NLGN1: variants seen among roughly 807,000 people sequenced by gnomAD.
The protein encoded by NLGN1 is neuroligin 1, also known as neuroligin-1.
In NLGN1, 12 loss-of-function variants were observed where a neutral mutation model predicts 65.5. That is an observed-to-expected ratio of 0.18 (90% CI 0.12 to 0.30). The LOEUF is 0.30. Among genes scored for constraint, NLGN1 ranks in the 10% least tolerant of loss-of-function variants. NLGN1 has a pLI of 1.00. For missense variants in NLGN1, 750 were observed against 1,007.1 expected, an observed-to-expected ratio of 0.74 and a Z score of 3.46; for synonymous variants, 350 against 359.5, an observed-to-expected ratio of 0.97 and a Z score of 0.30.
At chr3:173,664,595 G>A (rs1332652700) in intron 3 of NLGN1, among the ~76,000 whole-genome samples, 2 of 152,046 alleles carry the variant, frequency 1.3e-5, no homozygotes, top group African/African-American at 4.8e-5. Flanking sequence ...GGGAAAGGAA[G>A]TTTCCATTCA....
chr3:173,467,841 C>G (rs565583569), intron 2 of NLGN1, among the ~76,000 whole-genome samples: 143 of 152,220 alleles, frequency 9.4e-4, no homozygotes, highest in African/African-American at 3.4e-3. Context: ...GTTGGCTTCA[C>G]CATCACTTAA....
intron 4 of NLGN1, among the ~76,000 whole-genome samples, chr3:173,844,527 T>G (rs1202285555): frequency 6.6e-6 from 1 of 152,188 alleles, no homozygotes; most frequent in Non-Finnish European, 1.5e-5. Context: ...AACACATTTC[T>G]GAAACACAAG....
intron 4 of NLGN1, among the ~76,000 whole-genome samples, chr3:174,014,444 C>G (rs1726148642): frequency 6.6e-6 from 1 of 152,186 alleles, no homozygotes; most frequent in Admixed American, 6.5e-5. Flanking sequence ...CAACATTCTA[C>G]TTACGCTGCA....
chr3:174,095,113 G>A (rs924948907), intron 4 of NLGN1, among the ~76,000 whole-genome samples: 2 of 151,848 alleles, frequency 1.3e-5, no homozygotes, highest in Non-Finnish European at 2.9e-5. Context: ...CCTGTTTCAT[G>A]ATGTTTCTTT....
chr3:173,427,378 C>G (rs1378834062), intron 1 of NLGN1, among the ~76,000 whole-genome samples: 1 of 151,672 alleles, frequency 6.6e-6, no homozygotes, highest in Non-Finnish European at 1.5e-5. Context: ...TCATGCTTTT[C>G]TATTTCCTTT....
chr3:174,068,545 G>A (rs1030409804), intron 4 of NLGN1, among the ~76,000 whole-genome samples: 13 of 152,136 alleles, frequency 8.5e-5, no homozygotes, highest in East Asian at 2.0e-4. Context: ...TCTAAACCGC[G>A]CATGTACTTG....
chr3:174,099,434 A>G (rs1347359821), intron 4 of NLGN1, among the ~76,000 whole-genome samples: 1 of 152,198 alleles, frequency 6.6e-6, no homozygotes, highest in Non-Finnish European at 1.5e-5. Flanking sequence ...TTTAGTTGAT[A>G]TTGCATTTTT....
intron 4 of NLGN1, among the ~76,000 whole-genome samples, chr3:174,263,939 A>T (rs1285929530): frequency 6.6e-6 from 1 of 151,096 alleles, no homozygotes; most frequent in East Asian, 2.0e-4. Flanking sequence ...TCCTTCACTT[A>T]TGAAGCTTAG....
chr3:173,836,411 C>A (rs889658636), intron 4 of NLGN1, among the ~76,000 whole-genome samples: 15 of 152,032 alleles, frequency 9.9e-5, no homozygotes, highest in African/African-American at 3.6e-4. Flanking sequence ...TAGTAATAAT[C>A]ATACTACTAC....
chr3:173,697,301 AT>A (rs1399812422), intron 3 of NLGN1, among the ~76,000 whole-genome samples: 1 of 151,966 alleles, frequency 6.6e-6, no homozygotes, highest in African/African-American at 2.4e-5. Flanking sequence ...TTATTTATTT[AT>A]TTTTTACATA....
intron 2 of NLGN1, among the ~76,000 whole-genome samples, chr3:173,539,679 C>CATACATGTGCATATGCACATAT: frequency 1.2e-5 from 1 of 80,038 alleles, no homozygotes; most frequent in Admixed American, 1.1e-4. Flanking sequence ...ACATATATAA[C>CATACATGTGCATATGCACATAT]ATACATATAT....
At chr3:174,208,077 G>A (rs1026568208) in intron 4 of NLGN1, among the ~76,000 whole-genome samples, 2 of 152,032 alleles carry the variant, frequency 1.3e-5, no homozygotes, top group Non-Finnish European at 2.9e-5. Context: ...GCCTTTTGGG[G>A]GCATGAATGG....
intron 4 of NLGN1, among the ~76,000 whole-genome samples, chr3:173,858,806 G>A (rs1400899005): frequency 1.3e-5 from 2 of 151,958 alleles, no homozygotes; most frequent in Non-Finnish European, 2.9e-5. Context: ...AGTAGCACCG[G>A]ATTTTTCATT....
intron 3 of NLGN1, among the ~76,000 whole-genome samples, chr3:173,786,545 G>A (rs900771839): frequency 5.4e-5 from 8 of 147,602 alleles, no homozygotes; most frequent in African/African-American, 2.1e-4. Flanking sequence ...TATCATATGT[G>A]TGTAATACAC....
chr3:174,118,408 G>A (rs1418201408), intron 4 of NLGN1, among the ~76,000 whole-genome samples: 2 of 152,202 alleles, frequency 1.3e-5, no homozygotes, highest in East Asian at 3.9e-4. Flanking sequence ...AATTTCCAAA[G>A]CCTGTTTGTT....
chr3:173,488,727 G>A (rs1728573791), intron 2 of NLGN1, among the ~76,000 whole-genome samples: 1 of 151,828 alleles, frequency 6.6e-6, no homozygotes, highest in South Asian at 2.1e-4. Context: ...CTATTATTTT[G>A]GTAGGTCTAA....
intron 4 of NLGN1, among the ~76,000 whole-genome samples, chr3:174,129,587 G>A (rs1412769944): frequency 6.6e-6 from 1 of 152,232 alleles, no homozygotes; most frequent in Non-Finnish European, 1.5e-5. Context: ...TTTTGAGGGC[G>A]TTGACTTTTT....
chr3:174,207,178 G>GT (rs1198074416), intron 4 of NLGN1, among the ~76,000 whole-genome samples: 2 of 134,652 alleles, frequency 1.5e-5, no homozygotes, highest in African/African-American at 2.9e-5. Context: ...TTTATAGATT[G>GT]TTTTTTTGTT....
At chr3:173,491,932 AT>A (rs1305572912) in intron 2 of NLGN1, among the ~76,000 whole-genome samples, 2 of 151,788 alleles carry the variant, frequency 1.3e-5, no homozygotes, top group Non-Finnish European at 2.9e-5. Context: ...AATTCCATTT[AT>A]TCTACTACTT....
Sources: allele counts gnomAD v4.1 joint callset (sites outside exome capture counted in the v4.1 genomes callset), GRCh38; gene constraint gnomAD v4.1.1; transcripts MANE v1.5; gene names NCBI Gene and HGNC (gene_info 2026-07-23, HGNC 2026-07-21).